The following DIAPH2 variants were observed in gnomAD, a reference collection of about 807,000 sequenced individuals.
DIAPH2 encodes diaphanous related formin 2.
Under a neutral mutation model 92.7 loss-of-function variants are expected in DIAPH2, and 35 were observed. That is an observed-to-expected ratio of 0.38 (90% CI 0.29 to 0.50). DIAPH2 has a LOEUF of 0.50. DIAPH2 is among the 20% of genes least tolerant of loss of function. The probability of loss-of-function intolerance (pLI) is 0.94; values close to 1 mark genes in which losing one functional copy is unlikely to be tolerated. For synonymous variants in DIAPH2, 301 were observed against 280.4 expected (o/e 1.07, Z -0.73); for missense variants, 701 against 819.5 (o/e 0.86, Z 1.77).
chrX:96,734,194 A>C (rs2064073144), intron 1 of DIAPH2, among the ~76,000 whole-genome samples: 1 of 112,453 alleles, frequency 8.9e-6, no homozygotes, highest in Non-Finnish European at 1.9e-5. Context: ...AATTTGACTA[A>C]AGCAAAAAGT....
intron 22 of DIAPH2, among the ~76,000 whole-genome samples, chrX:97,147,916 T>C (rs979309475): frequency 1.8e-5 from 2 of 111,865 alleles, no homozygotes; most frequent in African/African-American, 6.5e-5. Flanking sequence ...GGCAATGTTA[T>C]AGGGGAAAAT....
chrX:97,265,123 G>A (rs191492885), intron 23 of DIAPH2, among the ~76,000 whole-genome samples: 4 of 111,994 alleles, frequency 3.6e-5, no homozygotes, highest in Non-Finnish European at 1.9e-5. Flanking sequence ...CACAGAGTAA[G>A]AATTTCAAAG....
At chrX:96,922,970 C>G (rs781250639) in intron 9 of DIAPH2, among the ~76,000 whole-genome samples, 24 of 110,918 alleles carry the variant, frequency 2.2e-4, no homozygotes, top group Non-Finnish European at 4.0e-4. Context: ...AAAGGGCTTC[C>G]AGGAGGTAAA....
chrX:96,975,618 A>G (rs1432493796), intron 17 of DIAPH2, among the ~76,000 whole-genome samples: 1 of 112,217 alleles, frequency 8.9e-6, no homozygotes, highest in Non-Finnish European at 1.9e-5. Context: ...TTGGGCTGCT[A>G]TCACAAAATA....
rs6652336 is a variant in DIAPH2, at chrX:97,300,774, T to C, written c.2845-47342T>C. 5.0e-4 allele frequency among the ~76,000 whole-genome samples: 45 copies of C among 90,163 alleles called. 1 individual carries two copies. The highest frequency in any genetic ancestry group is 1.6e-3 in the African/African-American group (42 of 25,480). The allele number at this position is 90,163 out of a possible 115,157, so 78.3% of individuals were successfully genotyped here. On this transcript the variant is annotated intron_variant, in intron 23 of 26. Coordinates refer to ENST00000324765, the MANE Select transcript of DIAPH2 (RefSeq NM_006729.5). ...GGTGAAACCCCGTCTCTACTAAAAA[T>C]ACAAAAAATTAGCCGGGCATGGTGG... is the stretch of plus-strand genomic sequence containing the variant.
At chrX:97,397,232 TAGA>T (rs1378513700) in intron 25 of DIAPH2, among the ~76,000 whole-genome samples, 2 of 112,153 alleles carry the variant, frequency 1.8e-5, no homozygotes, top group Non-Finnish European at 3.8e-5. Context: ...CGTAACAGCT[TAGA>T]AGATGATGGT....
intron 23 of DIAPH2, among the ~76,000 whole-genome samples, chrX:97,314,590 TAA>T (rs1317757771): frequency 2.8e-4 from 31 of 112,114 alleles, no homozygotes; most frequent in African/African-American, 9.1e-4. Context: ...TAGAATGAGT[TAA>T]AGATAAGAGT....
chrX:96,846,769 T>TG (rs1478319369), intron 4 of DIAPH2, among the ~76,000 whole-genome samples: 3 of 110,378 alleles, frequency 2.7e-5, no homozygotes, highest in Admixed American at 9.6e-5. Flanking sequence ...AAAATAGTTT[T>TG]TTTTTTTTTT....
intron 24 of DIAPH2, 69 bp from the exon 25 acceptor site, chrX:97,383,839 CA>C (rs1218073667): frequency 1.0e-6 from 1 of 975,840 alleles, no homozygotes; most frequent in Non-Finnish European, 1.4e-6. Flanking sequence ...AGAGAAAATT[CA>C]AAACTGTGCA....
At chrX:97,077,373 T>C (rs1307609849) in intron 19 of DIAPH2, among the ~76,000 whole-genome samples, 1 of 112,677 alleles carries the variant, frequency 8.9e-6, no homozygotes, top group South Asian at 3.6e-4. Context: ...TTACCATTTA[T>C]GTCTAATTAC....
intron 26 of DIAPH2, chrX:97,442,155 G>A (rs908263918): frequency 8.8e-6 from 1 of 113,029 alleles, no homozygotes; most frequent in Non-Finnish European, 1.9e-5. Context: ...AATTCTAGTT[G>A]ACTTTTATGA....
At chrX:97,468,545 A>G (rs1017127746) in intron 26 of DIAPH2, among the ~76,000 whole-genome samples, 10 of 108,844 alleles carry the variant, frequency 9.2e-5, no homozygotes, top group Non-Finnish European at 1.7e-4. Flanking sequence ...TCAAGCGTGT[A>G]TTGTTTTATA....
intron 20 of DIAPH2, among the ~76,000 whole-genome samples, chrX:97,111,943 T>C (rs1013460558): frequency 1.2e-4 from 13 of 112,636 alleles, no homozygotes; most frequent in African/African-American, 4.2e-4. Flanking sequence ...TCAGTTAATA[T>C]ATAAAGCAAA....
chrX:96,987,780 A>C (rs1337488936), intron 17 of DIAPH2, among the ~76,000 whole-genome samples: 1 of 111,060 alleles, frequency 9.0e-6, no homozygotes, highest in Non-Finnish European at 1.9e-5. Context: ...GATCCAGTCA[A>C]CTTTGGGGTC....
chrX:96,982,358 A>G (rs376787930), intron 17 of DIAPH2, among the ~76,000 whole-genome samples: 10 of 112,404 alleles, frequency 8.9e-5, no homozygotes, highest in Admixed American at 6.6e-4. Context: ...TGAATTAACA[A>G]TAGTTCCTCC....
chrX:97,283,452 T>C (rs2068514793), intron 23 of DIAPH2, among the ~76,000 whole-genome samples: 1 of 111,740 alleles, frequency 8.9e-6, no homozygotes, highest in South Asian at 3.8e-4. Context: ...ATGCAGACTT[T>C]CAGAGAGAGA....
In DIAPH2 at chrX:97,348,247, T is replaced by C; in HGVS notation, c.2976T>C (p.Phe992=). The C allele has an allele frequency of 1.7e-6, 2 of 1,208,247 alleles. No individual in the cohort carries two copies. The highest frequency in any genetic ancestry group is 2.2e-6 in the Non-Finnish European group (2 of 894,392). Residue 992 remains phenylalanine (F), a synonymous_variant, in exon 24 of 27, where the codon TTT becomes TTC. Coordinates refer to ENST00000324765, the MANE Select transcript of DIAPH2 (RefSeq NM_006729.5). ...AGACAGTGAGCATAGAAGAGTTCTT[T>C]GGTGATCTCAACAACTTCCGAACTT... The part of the protein sequence containing the change: ...DSKTVSIEEF[F]GDLNNFRTLF...
chrX:96,965,511 A>G (rs972041811), intron 17 of DIAPH2, among the ~76,000 whole-genome samples: 1 of 111,520 alleles, frequency 9.0e-6, no homozygotes, highest in African/African-American at 3.2e-5. Context: ...GAAGCAGGGA[A>G]GATGAATCCG....
At position 97,334,462 on chromosome X, in the gene DIAPH2, CAAAAAAA is replaced by C. The variant is rs757170646; in HGVS notation, c.2845-13644_2845-13638del. On this transcript the variant is annotated intron_variant, in intron 23 of 26. Transcript: ENST00000324765. ...TGGGCGACAGAGCAAGACTCCGTCT[CAAAAAAA>C]AAAAAAAAACAAAAAACAATTCTAG... Among the ~76,000 whole-genome samples the C allele has an allele frequency of 9.2e-5, 3 of 32,635 alleles. No homozygotes were observed. In the East Asian group the frequency reaches 3.8e-3, roughly 42 times the overall value. 28.3% of individuals were successfully genotyped at this position (32,635 alleles called of 115,157 possible).
Sources: gnomAD v4.1 joint callset for allele counts (sites outside exome capture counted in the v4.1 genomes callset) on GRCh38, gnomAD v4.1.1 for gene constraint, MANE v1.5 for transcripts, NCBI Gene and HGNC (gene_info 2026-07-23, HGNC 2026-07-21) for gene names.